The following TMEM245 variants were observed in gnomAD, a reference collection of about 807,000 sequenced individuals.
TMEM245 encodes the protein protein CG-2.
A neutral mutation model predicts 101.2 loss-of-function variants in TMEM245; 69 were observed. The ratio of observed to expected loss-of-function variants is 0.68; its 90% confidence interval spans 0.56 to 0.83. The LOEUF is 0.83. Ranked by LOEUF, TMEM245 falls within the 40% of genes least tolerant of loss-of-function variation. The pLI is 0.00. For synonymous variants in TMEM245, 537 were observed against 449.8 expected (o/e 1.19, Z -2.45); for missense variants, 1,075 against 1,092.8 (o/e 0.98, Z 0.23).
At chr9:109,051,441 C>T (rs989479758) in intron 12 of TMEM245, among the ~76,000 whole-genome samples, 2 of 152,012 alleles carry the variant, frequency 1.3e-5, no homozygotes, top group African/African-American at 4.8e-5. Context: ...TAGGCAATTT[C>T]GTCCTGCAAA....
intron 5 of TMEM245, among the ~76,000 whole-genome samples, chr9:109,087,765 C>A (rs1829883675): frequency 6.6e-6 from 1 of 152,122 alleles, no homozygotes; most frequent in Non-Finnish European, 1.5e-5. Flanking sequence ...TCTTCTTTTC[C>A]TTAGTTGCTC....
intron 11 of TMEM245, among the ~76,000 whole-genome samples, chr9:109,059,662 G>A (rs944651800): frequency 6.6e-6 from 1 of 152,224 alleles, no homozygotes; most frequent in South Asian, 2.1e-4. Flanking sequence ...TCCAGTCTGG[G>A]TGACAGAGCG....
At chr9:109,046,326 G>C (rs760447783) in intron 14 of TMEM245, 2 of 533,880 alleles carry the variant, frequency 3.7e-6, no homozygotes, top group South Asian at 2.8e-5. Flanking sequence ...GGGAGCATCA[G>C]GGAAGAAGGG....
rs944673854 is a variant in TMEM245, at chr9:109,097,393, T to C, written c.800-3802A>G. Reference sequence around the variant, plus strand: ...AGTGGCGTAAGAATGCAGAGGGAGGTTGGGACCAGGGCATAGAAGGTCTCA... The same window carrying C: ...AGTGGCGTAAGAATGCAGAGGGAGGCTGGGACCAGGGCATAGAAGGTCTCA... On this transcript the variant is annotated intron_variant, in intron 3 of 17. Transcript: ENST00000374586. 8.6e-5 allele frequency among the ~76,000 whole-genome samples: 13 copies of C among 151,692 alleles called. No homozygotes were observed. In the East Asian group the frequency reaches 1.7e-3, roughly 20 times the overall value.
intron 17 of TMEM245, among the ~76,000 whole-genome samples, chr9:109,024,560 G>A (rs952373652): frequency 6.6e-6 from 1 of 152,224 alleles, no homozygotes; most frequent in Non-Finnish European, 1.5e-5. Flanking sequence ...TCCAACAGAA[G>A]TGTAAGATAC....
intron 11 of TMEM245, among the ~76,000 whole-genome samples, chr9:109,059,614 G>A (rs1298379676): frequency 4.6e-5 from 7 of 152,098 alleles, no homozygotes; most frequent in East Asian, 3.8e-4. Context: ...CCCAAGAGAC[G>A]GAGTATGTTA....
intron 5 of TMEM245, among the ~76,000 whole-genome samples, chr9:109,088,815 C>CAAAA (rs772216738): frequency 5.9e-5 from 4 of 67,448 alleles, no homozygotes; most frequent in East Asian, 5.3e-4. Flanking sequence ...GACTACATCT[C>CAAAA]AAAAAAAAAA....
At chr9:109,077,531 A>G (rs1829546316) in intron 8 of TMEM245, among the ~76,000 whole-genome samples, 2 of 152,188 alleles carry the variant, frequency 1.3e-5, no homozygotes. Flanking sequence ...TGAATCCTGA[A>G]CTATAATCAT....
At chr9:109,074,814 G>A (rs10979681) in intron 8 of TMEM245, among the ~76,000 whole-genome samples, 8,328 of 152,068 alleles carry the variant, frequency 0.055, 360 homozygotes, top group East Asian at 0.13. Context: ...CAATTCTATC[G>A]GGCCCCAGAA....
intron 17 of TMEM245, among the ~76,000 whole-genome samples, chr9:109,031,608 G>A (rs1442055454): frequency 6.6e-6 from 1 of 152,128 alleles, no homozygotes; most frequent in Non-Finnish European, 1.5e-5. Flanking sequence ...CAGGCAGTGG[G>A]GTCTGACTGA....
chr9:109,032,574 G>GCCCC (rs1827993652), intron 17 of TMEM245, among the ~76,000 whole-genome samples: 1 of 150,036 alleles, frequency 6.7e-6, no homozygotes, highest in African/African-American at 2.5e-5. Context: ...TTTTAGTAGA[G>GCCCC]ATGGGGTTTT....
intron 17 of TMEM245, among the ~76,000 whole-genome samples, chr9:109,026,364 G>A (rs569483444): frequency 9.2e-5 from 14 of 152,140 alleles, no homozygotes; most frequent in Non-Finnish European, 1.3e-4. Context: ...AATCTTGGGG[G>A]TAGGAAACGC....
At chr9:109,096,139 A>G (rs754243653) in intron 3 of TMEM245, among the ~76,000 whole-genome samples, 3 of 152,216 alleles carry the variant, frequency 2.0e-5, no homozygotes, top group Non-Finnish European at 4.4e-5. Context: ...AGCTGGATGA[A>G]GATTCTTGGC....
chr9:109,084,371 T>C (rs1053035415), intron 7 of TMEM245, among the ~76,000 whole-genome samples: 3 of 152,192 alleles, frequency 2.0e-5, no homozygotes, highest in Admixed American at 6.5e-5. Flanking sequence ...CTATGTTATA[T>C]GGAATCATCA....
Position 109,018,130 on chromosome 9 carries a change from T to C in TMEM245, c.*2330A>G, listed in dbSNP as rs1475295093. 5 of 152,334 alleles carry C rather than the reference T, an allele frequency of 3.3e-5. No homozygotes were observed. The highest frequency in any genetic ancestry group is 9.6e-5 in the African/African-American group (4 of 41,568). The allele number at this position is 152,334 out of a possible 1,614,324, so 9.4% of individuals were successfully genotyped here. On this transcript the variant is annotated 3_prime_UTR_variant, in exon 18 of 18. Coordinates refer to ENST00000374586, the MANE Select transcript of TMEM245 (RefSeq NM_032012.4). ...CCCAGCAAGAAACATTAGCTGTAGTTTTTTGCAATATCACTTTATACAGCT... is the reference window on the plus strand; with the variant it reads ...CCCAGCAAGAAACATTAGCTGTAGTCTTTTGCAATATCACTTTATACAGCT...
intron 9 of TMEM245, among the ~76,000 whole-genome samples, chr9:109,072,586 C>T (rs1028591779): frequency 2.0e-5 from 3 of 152,212 alleles, no homozygotes; most frequent in African/African-American, 7.2e-5. Context: ...TTTGTCGCCA[C>T]CGAACTTCAG....
intron 17 of TMEM245, among the ~76,000 whole-genome samples, chr9:109,021,499 GTTTGTTTGTTTGT>G (rs1306357970): frequency 1.2e-4 from 5 of 41,446 alleles, no homozygotes; most frequent in South Asian, 4.9e-4. Flanking sequence ...TTGGTTTTTT[GTTTGTTTGTTTGT>G]TTTGTTTTGT....
At chr9:109,119,310 C>A in intron 1 of TMEM245, 25 bp downstream of exon 1, 6 of 1,515,798 alleles carry the variant, frequency 4.0e-6, no homozygotes, top group Admixed American at 2.1e-5. Flanking sequence ...GGGCGGGGGA[C>A]GGGGGCGGAC....
At chr9:109,071,958 T>C (rs1271455190) in intron 9 of TMEM245, among the ~76,000 whole-genome samples, 1 of 152,188 alleles carries the variant, frequency 6.6e-6, no homozygotes, top group East Asian at 1.9e-4. Flanking sequence ...GCAGAACATA[T>C]AATCTCTGCC....
Sources: gnomAD v4.1 joint callset for allele counts (sites outside exome capture counted in the v4.1 genomes callset) on GRCh38, gnomAD v4.1.1 for gene constraint, MANE v1.5 for transcripts, NCBI Gene and HGNC (gene_info 2026-07-23, HGNC 2026-07-21) for gene names.